COG6: variants seen among roughly 807,000 people sequenced by gnomAD.
COG6 encodes the protein conserved oligomeric Golgi complex subunit 6.
Under a neutral mutation model 88.8 loss-of-function variants are expected in COG6, and 74 were observed. That is an observed-to-expected ratio of 0.83 (90% CI 0.69 to 1.01). The LOEUF is 1.01. Ranked by LOEUF, COG6 falls within the 50% of genes least tolerant of loss-of-function variation. COG6 has a pLI of 0.00. For synonymous variants in COG6, 286 were observed against 278.7 expected, an observed-to-expected ratio of 1.03 and a Z score of -0.26; for missense variants, 800 against 797.9, an observed-to-expected ratio of 1.00 and a Z score of -0.03.
chr13:39,718,302 G>A (rs531573352), intron 13 of COG6, among the ~76,000 whole-genome samples: 12 of 152,096 alleles, frequency 7.9e-5, no homozygotes, highest in African/African-American at 2.4e-4. Context: ...AATAAATGCC[G>A]ATATTTGAAA....
chr13:39,749,612 C>A (rs985421475), intron 18 of COG6, among the ~76,000 whole-genome samples: 3 of 152,160 alleles, frequency 2.0e-5, no homozygotes, highest in Non-Finnish European at 4.4e-5. Context: ...TTATTTCTAG[C>A]TCTAAAGATC....
Position 39,719,337 on chromosome 13 carries a change from A to G in COG6, c.1386A>G (p.Pro462=), listed in dbSNP as rs1169802647. The G allele has an allele frequency of 2.5e-6, 4 of 1,612,534 alleles. No homozygotes were observed. The highest frequency in any genetic ancestry group is 3.4e-6 in the Non-Finnish European group (4 of 1,179,106). The change falls in exon 14 of 19, where the codon CCA becomes CCG. Residue 462 remains proline (P), a synonymous_variant. Coordinates refer to ENST00000455146, the MANE Select transcript of COG6 (RefSeq NM_020751.3). ...CATCTCACGATTCTTCAGTTGTACC[A>G]TTAGATGCTCGTCAAGCTGATTTTG... ...VLASHDSSVV[P]LDARQADFVQ...
At position 39,740,223 on chromosome 13, in the gene COG6, T is replaced by G. The variant is rs3000481; in HGVS notation, c.1827-10723T>G. On this transcript the variant is annotated intron_variant, in intron 18 of 18. Transcript: ENST00000455146. ...GGAATCATTTCATTAAATATGTATC[T>G]AAGAAGTATATGAGAGAGGACTCAT... Among the ~76,000 whole-genome samples the G allele has an allele frequency of 1.9e-3, 292 of 152,330 alleles. 2 individuals are homozygous for G. The highest frequency in any genetic ancestry group is 6.8e-3 in the African/African-American group (283 of 41,586).
chr13:39,756,221 T>C (rs1165739746), downstream of COG6, among the ~76,000 whole-genome samples: 1 of 152,134 alleles, frequency 6.6e-6, no homozygotes, highest in Admixed American at 6.5e-5. Context: ...GAAAAACTTA[T>C]TTGGACATGA....
intron 18 of COG6, among the ~76,000 whole-genome samples, chr13:39,728,638 ACTGTTATG>A (rs1879266957): frequency 6.6e-6 from 1 of 151,898 alleles, no homozygotes; most frequent in Admixed American, 6.6e-5. Flanking sequence ...TACCAAAGAA[ACTGTTATG>A]CTGTGACTCA....
intron 4 of COG6, among the ~76,000 whole-genome samples, chr13:39,671,126 C>A (rs1375417368): frequency 6.6e-6 from 1 of 151,912 alleles, no homozygotes; most frequent in Non-Finnish European, 1.5e-5. Flanking sequence ...GCTATAACAA[C>A]TTTATTTCAG....
intron 2 of COG6, among the ~76,000 whole-genome samples, 181 bp from the exon 3 acceptor site, chr13:39,660,629 A>AT (rs1874836636): frequency 6.6e-6 from 1 of 152,114 alleles, no homozygotes. Context: ...TTTTCTTTAC[A>AT]TTTTTTCTAA....
chr13:39,694,590 A>T, intron 11 of COG6, 44 bp from the exon 12 acceptor site: 1 of 1,216,716 alleles, frequency 8.2e-7, no homozygotes, highest in Non-Finnish European at 1.2e-6. Context: ...AAAAAAAGTT[A>T]TACTTTTAAG....
intron 13 of COG6, among the ~76,000 whole-genome samples, chr13:39,700,953 T>A (rs1277578815): frequency 6.6e-6 from 1 of 151,862 alleles, no homozygotes; most frequent in African/African-American, 2.4e-5. Flanking sequence ...AGAAATAGAA[T>A]ATGCTAGAAC....
chr13:39,739,496 A>C (rs1443071523), intron 18 of COG6, among the ~76,000 whole-genome samples: 1 of 152,146 alleles, frequency 6.6e-6, no homozygotes, highest in Non-Finnish European at 1.5e-5. Flanking sequence ...AGTCATGCTT[A>C]AGTAGGTCTT....
At chr13:39,779,535 G>C (rs751432301) in intron 18 of COG6, among the ~76,000 whole-genome samples, 8 of 152,162 alleles carry the variant, frequency 5.3e-5, no homozygotes, top group Non-Finnish European at 7.3e-5. Context: ...CTGGAAAAGT[G>C]CCAGCCAGGC....
At chr13:39,732,599 C>G (rs1879512748) in intron 18 of COG6, among the ~76,000 whole-genome samples, 1 of 152,016 alleles carries the variant, frequency 6.6e-6, no homozygotes, top group African/African-American at 2.4e-5. Flanking sequence ...TTCAGAGATG[C>G]AGTATATAAA....
intron 18 of COG6, among the ~76,000 whole-genome samples, chr13:39,744,510 A>T (rs573975429): frequency 6.6e-6 from 1 of 152,154 alleles, no homozygotes; most frequent in Non-Finnish European, 1.5e-5. Flanking sequence ...CACAATTGCT[A>T]CAAAGAGAAT....
At chr13:39,664,763 G>A (rs1276448695) in intron 3 of COG6, among the ~76,000 whole-genome samples, 1 of 152,216 alleles carries the variant, frequency 6.6e-6, no homozygotes, top group African/African-American at 2.4e-5. Context: ...AGTTCAACAC[G>A]TCCATACCTG....
intron 4 of COG6, among the ~76,000 whole-genome samples, chr13:39,670,500 G>T (rs922376098): frequency 2.0e-5 from 3 of 151,920 alleles, no homozygotes; most frequent in African/African-American, 7.2e-5. Context: ...TTTTGATTTT[G>T]TACAGTTATT....
intron 18 of COG6, among the ~76,000 whole-genome samples, chr13:39,744,914 A>G (rs948807102): frequency 6.6e-6 from 1 of 152,172 alleles, no homozygotes; most frequent in Admixed American, 6.5e-5. Flanking sequence ...ATATAGACCA[A>G]TGGAACAGAA....
chr13:39,751,300 A>T lies in COG6; in HGVS notation c.*207A>T. ...CCTGAGCTAGTATTGCTGTGTATCT[A>T]CTCTAAATGAGATGATCTATTTTTT... On this transcript the variant is annotated 3_prime_UTR_variant, in exon 19 of 19. Transcript: ENST00000455146. The T allele has an allele frequency of 6.7e-7, 1 of 1,499,844 alleles. No individual in the cohort carries two copies. The highest frequency in any genetic ancestry group is 8.9e-7 in the Non-Finnish European group (1 of 1,126,550). 92.9% of individuals were successfully genotyped at this position (1,499,844 alleles called of 1,614,324 possible).
chr13:39,731,398 GAATT>G (rs1879445344), intron 18 of COG6, among the ~76,000 whole-genome samples: 1 of 152,156 alleles, frequency 6.6e-6, no homozygotes. Flanking sequence ...TGGTTTTAAA[GAATT>G]CTTCCCTTTG....
chr13:39,716,270 G>C (rs1485823516), intron 13 of COG6, among the ~76,000 whole-genome samples: 1 of 151,972 alleles, frequency 6.6e-6, no homozygotes, highest in Non-Finnish European at 1.5e-5. Context: ...TTGTTTTAAA[G>C]TCTGTTTTGT....
Sources: allele counts gnomAD v4.1 joint callset (sites outside exome capture counted in the v4.1 genomes callset), GRCh38; gene constraint gnomAD v4.1.1; transcripts MANE v1.5; gene names NCBI Gene and HGNC (gene_info 2026-07-23, HGNC 2026-07-21).